The following LAMA3 variants were observed in gnomAD, a reference collection of about 807,000 sequenced individuals.
LAMA3 encodes laminin subunit alpha-3.
Under a neutral mutation model 402.0 loss-of-function variants are expected in LAMA3, and 281 were observed. The observed-to-expected ratio is 0.70, with a 90% CI of 0.63 to 0.77. The LOEUF is 0.77. Ranked by LOEUF, LAMA3 falls within the 30% of genes least tolerant of loss-of-function variation. The probability of loss-of-function intolerance (pLI) is 0.00; values close to 1 mark genes in which losing one functional copy is unlikely to be tolerated. For missense variants in LAMA3, 3,840 were observed against 4,215.5 expected (o/e 0.91, Z 2.47); for synonymous variants, 1,431 against 1,558.4 (o/e 0.92, Z 1.93).
At chr18:23,837,570 G>GATATAGATATATATATATATATATAT (rs1555707626) in intron 25 of LAMA3, among the ~76,000 whole-genome samples, 2 of 83,284 alleles carry the variant, frequency 2.4e-5, no homozygotes, top group Admixed American at 1.6e-4. Flanking sequence ...CAGTTAATCA[G>GATATAGATATATATATATATATATAT]ATATATATAT....
At position 23,738,672 on chromosome 18, in the gene LAMA3, C is replaced by T. The variant is rs955716539; in HGVS notation, c.448-9271C>T. Among the ~76,000 whole-genome samples, 21 of 152,300 alleles carry T rather than the reference C, an allele frequency of 1.4e-4. 1 individual carries two copies. Among genetic ancestry groups the T allele is most frequent in the Admixed American group, 1.2e-3 (19 of 15,304 alleles). ...CACTACCTGCCGTGGCTAGTCCTGA[C>T]CACACGTCAGCCCTGAGCCTGGACA... is the stretch of plus-strand genomic sequence containing the variant. On this transcript the variant is annotated intron_variant, in intron 2 of 74. Transcript: ENST00000313654.
Position 23,871,523 on chromosome 18 carries a change from C to T in LAMA3, c.4860C>T (p.Gly1620=). 1 of 1,614,168 alleles carries T rather than the reference C, an allele frequency of 6.2e-7. No individual in the cohort carries two copies. Among genetic ancestry groups the T allele is most frequent in the Non-Finnish European group, 8.5e-7 (1 of 1,180,010 alleles). The change falls in exon 38 of 75, where the codon GGC becomes GGT. Residue 1620 remains glycine (G), a synonymous_variant. Transcript: ENST00000313654. ...GACTGGCAGATGTGCGCATCCAAGG[C>T]CTCTACTTCACAGAGACTCAAAGGC... ...LSRLADVRIQ[G]LYFTETQRLT...
intron 1 of LAMA3, among the ~76,000 whole-genome samples, chr18:23,711,923 G>A (rs1319541983): frequency 1.3e-5 from 2 of 152,164 alleles, no homozygotes; most frequent in Non-Finnish European, 2.9e-5. Context: ...CCATTTTGGG[G>A]AGAGATTTTG....
chr18:23,748,420 C>CA (rs749355061), intron 3 of LAMA3, among the ~76,000 whole-genome samples: 12,067 of 87,994 alleles, frequency 0.14, 679 homozygotes, highest in Admixed American at 0.28. Flanking sequence ...GACTCTGTCT[C>CA]AAAAAAAAAA....
chr18:23,824,653 A>G, intron 21 of LAMA3, 88 bp downstream of exon 21: 1 of 1,404,060 alleles, frequency 7.1e-7, no homozygotes, highest in Non-Finnish European at 1.0e-6. Context: ...CACAGCGACC[A>G]TAAAATATCA....
intron 30 of LAMA3, among the ~76,000 whole-genome samples, chr18:23,845,926 C>T (rs16940288): frequency 0.012 from 1,885 of 152,240 alleles, 49 homozygotes; most frequent in African/African-American, 0.043. Context: ...TAGCGATTCT[C>T]CTCCTCATTA....
chr18:23,904,807 C>A, intron 51 of LAMA3, 113 bp downstream of exon 51: 1 of 1,186,638 alleles, frequency 8.4e-7, no homozygotes, highest in Non-Finnish European at 1.2e-6. Context: ...TAAATCAGAA[C>A]TTGTTGTATA....
At chr18:23,939,144 AAAATTAAGCAATGTACTTAGC>A in intron 67 of LAMA3, 58 bp from the exon 68 acceptor site, 1 of 1,453,158 alleles carries the variant, frequency 6.9e-7, no homozygotes, top group Non-Finnish European at 9.6e-7. Context: ...ATCAAGGGTG[AAAATTAAGCAATGTACTTAGC>A]AAGATAAGCA....
At chr18:23,767,624 C>T (rs1445732336) in intron 8 of LAMA3, among the ~76,000 whole-genome samples, 1 of 138,292 alleles carries the variant, frequency 7.2e-6, no homozygotes, top group Non-Finnish European at 1.5e-5. Flanking sequence ...GTCACCCAGG[C>T]TGGAGTGCAG....
rs765306116 is a variant in LAMA3 at position 23,871,679 on chromosome 18, C to A, written c.4998+18C>A. ...CTTGTCAGGTAGGAAGTTTTCCCAT[C>A]CGCAACATTTCCCTAGGGAGCTCCT... is the stretch of plus-strand genomic sequence containing the variant. On this transcript the variant is annotated intron_variant, in intron 38 of 74. Transcript: ENST00000313654. 1 of 1,572,258 alleles carries A rather than the reference C, an allele frequency of 6.4e-7. No homozygotes were observed. The highest frequency in any genetic ancestry group is 1.2e-5 in the South Asian group (1 of 86,492).
chr18:23,899,659 A>G (rs1265101648), intron 47 of LAMA3: 3 of 533,756 alleles, frequency 5.6e-6, no homozygotes, highest in South Asian at 2.4e-5. Context: ...ACAGCTTACC[A>G]TCATGCAAAG....
intron 12 of LAMA3, among the ~76,000 whole-genome samples, chr18:23,799,793 C>A (rs2062835358): frequency 6.6e-6 from 1 of 152,140 alleles, no homozygotes; most frequent in Non-Finnish European, 1.5e-5. Context: ...ATTGCGAGGG[C>A]TGACAGGTCT....
At position 23,890,127 on chromosome 18, in the gene LAMA3, A is replaced by G. The variant is rs746263741; in HGVS notation, c.5410+10A>G. On this transcript the variant is annotated intron_variant, in intron 42 of 74. Coordinates refer to ENST00000313654, the MANE Select transcript of LAMA3 (RefSeq NM_198129.4). ...CATCCCCTGACTGGAGGTAAGGCCG[A>G]CCCACACCCCTGCTAACTTGCATTT... 32 of 1,553,136 alleles carry G rather than the reference A, an allele frequency of 2.1e-5. No individual in the cohort carries two copies. The highest frequency in any genetic ancestry group is 1.7e-4 in the Middle Eastern group (1 of 5,970).
chr18:23,751,164 CTT>C, intron 5 of LAMA3, 76 bp downstream of exon 5: 2 of 1,394,852 alleles, frequency 1.4e-6, no homozygotes, highest in South Asian at 1.2e-5. Context: ...GCCTTGAACT[CTT>C]TTAAGTAACC....
At chr18:23,875,943 A>C (rs545655405) in intron 38 of LAMA3, among the ~76,000 whole-genome samples, 1 of 152,356 alleles carries the variant, frequency 6.6e-6, no homozygotes, top group African/African-American at 2.4e-5. Context: ...ACAGCTTGAG[A>C]GAAAAACAAG....
At chr18:23,762,861 T>TA (rs543627019) in intron 7 of LAMA3, among the ~76,000 whole-genome samples, 29,293 of 132,356 alleles carry the variant, frequency 0.22, 4,699 homozygotes, top group East Asian at 0.57. Flanking sequence ...TATATATATA[T>TA]TTTTTTTTTT....
intron 27 of LAMA3, 82 bp downstream of exon 27, chr18:23,840,011 G>T (rs1270110300): frequency 1.0e-5 from 15 of 1,460,220 alleles, no homozygotes; most frequent in Non-Finnish European, 1.9e-6. Flanking sequence ...AAACTTGTCA[G>T]CAATGCAGAT....
chr18:23,742,828 C>A (rs979333247), intron 2 of LAMA3, among the ~76,000 whole-genome samples: 1 of 152,088 alleles, frequency 6.6e-6, no homozygotes, highest in Admixed American at 6.5e-5. Context: ...TGAAATGCTA[C>A]CTTGTGGAAT....
intron 2 of LAMA3, among the ~76,000 whole-genome samples, chr18:23,716,735 C>T (rs752278440): frequency 1.3e-5 from 2 of 152,204 alleles, no homozygotes; most frequent in Admixed American, 6.5e-5. Flanking sequence ...TCCACCCACC[C>T]GCTCTGCTCT....
Sources: allele counts gnomAD v4.1 joint callset (sites outside exome capture counted in the v4.1 genomes callset), GRCh38; gene constraint gnomAD v4.1.1; transcripts MANE v1.5; gene names NCBI Gene and HGNC (gene_info 2026-07-23, HGNC 2026-07-21).